Variants in RTCB observed in about 807,000 individuals in gnomAD.
The protein encoded by RTCB is RNA-splicing ligase RTCB.
A neutral mutation model predicts 58.2 loss-of-function variants in RTCB; 32 were observed. The observed-to-expected ratio is 0.55, with a 90% CI of 0.41 to 0.74. RTCB has a LOEUF of 0.74. Among genes scored for constraint, RTCB ranks in the 30% least tolerant of loss-of-function variants. The probability of loss-of-function intolerance (pLI) is 0.00; values close to 1 mark genes in which losing one functional copy is unlikely to be tolerated. For missense variants in RTCB, 523 were observed against 639.0 expected, an observed-to-expected ratio of 0.82 and a Z score of 1.96; for synonymous variants, 247 against 218.6, an observed-to-expected ratio of 1.13 and a Z score of -1.15.
chr22:32,392,982 A>C (rs1399474824), intron 10 of RTCB, among the ~76,000 whole-genome samples: 2 of 152,204 alleles, frequency 1.3e-5, no homozygotes, highest in South Asian at 2.1e-4. Context: ...TGTCACCCAG[A>C]CTGGAGTGAA....
Position 32,401,554 on chromosome 22 carries a change from G to A in RTCB, c.497+193C>T, listed in dbSNP as rs1383196214. The A allele has an allele frequency of 4.9e-5, 27 of 545,590 alleles. No homozygotes were observed. The Admixed American group carries it at 6.6e-4, about 13-fold the overall frequency. 33.8% of individuals were successfully genotyped at this position (545,590 alleles called of 1,614,324 possible). A position where few individuals can be genotyped will look rare whatever the true frequency, so the allele number is the denominator to read the frequency against. ...TTATAAATACTACTCTATGTCAAAG[G>A]CTGTTATAACATCGGTTGACTAATG... is the stretch of plus-strand genomic sequence containing the variant. On this transcript the variant is annotated intron_variant, in intron 5 of 11. Transcript: ENST00000216038.
At chr22:32,389,023 G>T (rs1933107332) in intron 11 of RTCB, among the ~76,000 whole-genome samples, 1 of 152,184 alleles carries the variant, frequency 6.6e-6, no homozygotes, top group South Asian at 2.1e-4. Flanking sequence ...ATTGGTCCCA[G>T]AAGTGGGACA....
intron 8 of RTCB, among the ~76,000 whole-genome samples, chr22:32,395,490 T>C (rs891678391): frequency 1.3e-5 from 2 of 152,224 alleles, no homozygotes; most frequent in Non-Finnish European, 2.9e-5. Context: ...GCCTTCTGAA[T>C]CTTAGTCAGT....
chr22:32,411,351 CGA>C (rs1449555010), intron 1 of RTCB, among the ~76,000 whole-genome samples: 2 of 152,074 alleles, frequency 1.3e-5, no homozygotes, highest in Non-Finnish European at 2.9e-5. Flanking sequence ...TGATGAAGGC[CGA>C]GAGATACAGA....
In RTCB at chr22:32,409,823, G is replaced by GTT. The variant is rs1265587832; in HGVS notation, c.94-992_94-991dup. On this transcript the variant is annotated intron_variant, in intron 1 of 11. Coordinates refer to ENST00000216038, the MANE Select transcript of RTCB (RefSeq NM_014306.5). ...CACAATACAGCTCTTATATACTTTT[G>GTT]TTTTTTTTTTTTGAGACTGAGTCTT... 1.0e-4 allele frequency among the ~76,000 whole-genome samples: 4 copies of GTT among 38,794 alleles called. No homozygotes were observed. The South Asian group carries it at 2.3e-3, about 22-fold the overall frequency. The allele number at this position is 38,794 out of a possible 152,430, so 25.5% of individuals were successfully genotyped here.
intron 1 of RTCB, among the ~76,000 whole-genome samples, chr22:32,411,169 A>G (rs533739173): frequency 1.1e-4 from 17 of 152,362 alleles, no homozygotes; most frequent in African/African-American, 2.9e-4. Context: ...GATTCTGAAT[A>G]AAAGAATGGA....
chr22:32,392,605 A>G (rs1020402687), intron 10 of RTCB: 26 of 608,550 alleles, frequency 4.3e-5, no homozygotes, highest in Admixed American at 2.8e-4. Context: ...CCTCGCCTCT[A>G]AGACCCACTA....
intron 4 of RTCB, among the ~76,000 whole-genome samples, chr22:32,403,181 C>A (rs141989187): frequency 7.9e-5 from 12 of 152,048 alleles, no homozygotes; most frequent in Admixed American, 5.9e-4. Context: ...CCGAGGCGGG[C>A]GGATCATGAG....
At position 32,409,818 on chromosome 22, in the gene RTCB, CTTTTG is replaced by C. The variant is rs1569443590; in HGVS notation, c.94-990_94-986del. On this transcript the variant is annotated intron_variant, in intron 1 of 11. Coordinates refer to ENST00000216038, the MANE Select transcript of RTCB (RefSeq NM_014306.5). Reference sequence around the variant, plus strand: ...CAGTACACAATACAGCTCTTATATACTTTTGTTTTTTTTTTTTGAGACTGAGTCTT... The same window carrying C: ...CAGTACACAATACAGCTCTTATATACTTTTTTTTTTTTGAGACTGAGTCTT... Among the ~76,000 whole-genome samples the C allele has an allele frequency of 3.5e-5, 3 of 85,820 alleles. 1 individual carries two copies. Among genetic ancestry groups the C allele is most frequent in the Non-Finnish European group, 7.6e-5 (3 of 39,314 alleles). 56.3% of individuals were successfully genotyped at this position (85,820 alleles called of 152,430 possible). A position where few individuals can be genotyped will look rare whatever the true frequency, so the allele number is the denominator to read the frequency against.
At chr22:32,404,270 C>T (rs573890359) in intron 4 of RTCB, among the ~76,000 whole-genome samples, 86 of 152,316 alleles carry the variant, frequency 5.6e-4, no homozygotes, top group Admixed American at 2.4e-3. Flanking sequence ...AATTTACACT[C>T]CCTCCAATAG....
intron 1 of RTCB, among the ~76,000 whole-genome samples, chr22:32,410,503 T>C (rs1312088707): frequency 6.6e-6 from 1 of 152,162 alleles, no homozygotes; most frequent in Non-Finnish European, 1.5e-5. Context: ...TTAAGAGCAA[T>C]GCATTAACAT....
At chr22:32,401,689 T>C in intron 5 of RTCB, 58 bp downstream of exon 5, 3 of 1,568,124 alleles carry the variant, frequency 1.9e-6, no homozygotes, top group South Asian at 1.2e-5. Context: ...GAAAGGAAGC[T>C]GAAGGTCATG....
chr22:32,395,299 TA>T, intron 8 of RTCB, 85 bp from the exon 9 acceptor site: 1 of 1,175,876 alleles, frequency 8.5e-7, no homozygotes. Context: ...TGGTTTCAGG[TA>T]GTCTGTTCTG....
At chr22:32,393,280 C>T (rs1305434847) in intron 10 of RTCB, among the ~76,000 whole-genome samples, 1 of 152,202 alleles carries the variant, frequency 6.6e-6, no homozygotes, top group African/African-American at 2.4e-5. Flanking sequence ...TTACACAGTA[C>T]TTAAGGTTGC....
chr22:32,400,202 G>A (rs992416540), intron 5 of RTCB, among the ~76,000 whole-genome samples: 2 of 152,102 alleles, frequency 1.3e-5, no homozygotes, highest in African/African-American at 2.4e-5. Context: ...TATGAATTAC[G>A]GTCAAATAAA....
At chr22:32,388,687 G>A (rs1439637034) in intron 11 of RTCB, among the ~76,000 whole-genome samples, 5 of 152,094 alleles carry the variant, frequency 3.3e-5, no homozygotes, top group Non-Finnish European at 7.4e-5. Context: ...ACACAGCCTT[G>A]CCACCATTAG....
At chr22:32,411,828 C>G (rs1933529420) in intron 1 of RTCB, among the ~76,000 whole-genome samples, 1 of 152,188 alleles carries the variant, frequency 6.6e-6, no homozygotes, top group South Asian at 2.1e-4. Context: ...TATTTAGATT[C>G]CCATATCCAC....
At chr22:32,392,642 C>G in intron 10 of RTCB, 1 of 490,624 alleles carries the variant, frequency 2.0e-6, no homozygotes, top group Non-Finnish European at 3.7e-6. Context: ...CCCACTAAAC[C>G]ATGACAATAA....
intron 2 of RTCB, 129 bp downstream of exon 2, chr22:32,408,626 T>C (rs927978972): frequency 1.7e-5 from 12 of 699,830 alleles, no homozygotes; most frequent in Non-Finnish European, 2.8e-5. Context: ...TAAGTGCTTT[T>C]GGTCTTACTT....
Sources: gnomAD v4.1 joint callset for allele counts (sites outside exome capture counted in the v4.1 genomes callset) on GRCh38, gnomAD v4.1.1 for gene constraint, MANE v1.5 for transcripts, NCBI Gene and HGNC (gene_info 2026-07-23, HGNC 2026-07-21) for gene names.